VPS26A: variants seen among roughly 807,000 people sequenced by gnomAD.
VPS26A encodes the protein VPS26 retromer complex component A.
VPS26A carries 22 observed loss-of-function variants against 42.4 expected under a neutral mutation model. The ratio of observed to expected loss-of-function variants is 0.52; its 90% CI spans 0.37 to 0.74. The LOEUF (loss-of-function observed/expected upper bound fraction) is 0.74, where lower values mean the gene tolerates loss of function less well. Ranked by LOEUF, VPS26A falls within the 30% of genes least tolerant of loss-of-function variation. The pLI is 0.00. For synonymous variants in VPS26A, 110 were observed against 123.5 expected (o/e 0.89, Z 0.73); for missense variants, 276 against 379.2 (o/e 0.73, Z 2.26).
intron 7 of VPS26A, among the ~76,000 whole-genome samples, chr10:69,168,139 T>C (rs998685083): frequency 6.6e-6 from 1 of 152,232 alleles, no homozygotes; most frequent in East Asian, 1.9e-4. Context: ...AAGCCAGGTA[T>C]TCTGACTCTA....
intron 1 of VPS26A, among the ~76,000 whole-genome samples, chr10:69,131,761 A>G (rs554150560): frequency 5.3e-5 from 8 of 152,308 alleles, no homozygotes; most frequent in African/African-American, 1.9e-4. Context: ...GTTGTTATGT[A>G]GGACAGAATA....
chr10:69,137,882 T>TATATATATATATATA (rs1564675546), intron 2 of VPS26A, among the ~76,000 whole-genome samples: 4 of 151,278 alleles, frequency 2.6e-5, no homozygotes, highest in African/African-American at 9.8e-5. Context: ...TATATATATA[T>TATATATATATATATA]TCGCCATAAA....
chr10:69,165,119 G>T (rs1018257182), intron 6 of VPS26A, among the ~76,000 whole-genome samples: 2 of 151,904 alleles, frequency 1.3e-5, no homozygotes, highest in African/African-American at 4.8e-5. Flanking sequence ...GTAGAGACGG[G>T]GTTTCACCGT....
In VPS26A at chr10:69,172,124, T is replaced by G. The variant is rs565615377; in HGVS notation, c.*855T>G. 2 of 152,354 alleles carry G rather than the reference T, an allele frequency of 1.3e-5. No homozygotes were observed. The highest frequency in any genetic ancestry group is 3.9e-4 in the East Asian group (2 of 5,192). 9.4% of individuals were successfully genotyped at this position (152,354 alleles called of 1,614,324 possible). ...CAATTTAAGGAATCTTTTTGCCATG[T>G]GTATGCAAATATTATTTTCTTCATA... On this transcript the variant is annotated 3_prime_UTR_variant, in exon 9 of 9. Coordinates refer to ENST00000263559, the MANE Select transcript of VPS26A (RefSeq NM_004896.5).
At chr10:69,128,553 T>C (rs1275351635) in intron 1 of VPS26A, among the ~76,000 whole-genome samples, 1 of 152,166 alleles carries the variant, frequency 6.6e-6, no homozygotes, top group Admixed American at 6.6e-5. Context: ...ATGTCAGCTT[T>C]CAAATCCCAA....
At chr10:69,146,860 G>T (rs1841171001) in intron 2 of VPS26A, among the ~76,000 whole-genome samples, 1 of 152,120 alleles carries the variant, frequency 6.6e-6, no homozygotes, top group Admixed American at 6.5e-5. Context: ...GGTACTATTT[G>T]ACCATTATGA....
At position 69,138,989 on chromosome 10, in the gene VPS26A, T is replaced by C. The variant is rs183754256; in HGVS notation, c.153+5942T>C. 2.0e-3 allele frequency among the ~76,000 whole-genome samples: 300 copies of C among 152,346 alleles called. 2 individuals are homozygous for C. Among genetic ancestry groups the C allele is most frequent in the African/African-American group, 6.9e-3 (286 of 41,590 alleles). On this transcript the variant is annotated intron_variant, in intron 2 of 8. Transcript: ENST00000263559. ...CATTTCTTAAATGTACCATAGTAAG[T>C]ACATTGTCAGAGTGTATAGTAATTA...
chr10:69,141,243 A>T (rs1003433466), intron 2 of VPS26A, among the ~76,000 whole-genome samples: 2 of 152,256 alleles, frequency 1.3e-5, no homozygotes, highest in Non-Finnish European at 2.9e-5. Context: ...ACTATGTAAG[A>T]GACAACCCCA....
intron 2 of VPS26A, among the ~76,000 whole-genome samples, chr10:69,150,701 ATGTC>A (rs1291441803): frequency 6.6e-6 from 1 of 152,058 alleles, no homozygotes; most frequent in African/African-American, 2.4e-5. Context: ...CCGGCAGAGA[ATGTC>A]TGTTTTCTTA....
intron 2 of VPS26A, among the ~76,000 whole-genome samples, chr10:69,142,504 T>G (rs932674281): frequency 3.3e-5 from 5 of 152,044 alleles, no homozygotes; most frequent in Admixed American, 1.3e-4. Flanking sequence ...AAGGATTATT[T>G]GAAAGATTAT....
At chr10:69,137,279 A>T (rs1840934977) in intron 2 of VPS26A, among the ~76,000 whole-genome samples, 1 of 152,198 alleles carries the variant, frequency 6.6e-6, no homozygotes, top group African/African-American at 2.4e-5. Flanking sequence ...AACCTAAAAT[A>T]ACAAATTTAT....
Position 69,124,216 on chromosome 10 carries a change from G to T in VPS26A, c.-62G>T, listed in dbSNP as rs958884603. 2 of 1,274,026 alleles carry T rather than the reference G, an allele frequency of 1.6e-6. No homozygotes were observed. Among genetic ancestry groups the T allele is most frequent in the Non-Finnish European group, 2.0e-6 (2 of 1,004,672 alleles). 78.9% of individuals were successfully genotyped at this position (1,274,026 alleles called of 1,614,324 possible). A position where few individuals can be genotyped will look rare whatever the true frequency, so the allele number is the denominator to read the frequency against. On this transcript the variant is annotated 5_prime_UTR_variant, in exon 1 of 9. Coordinates refer to ENST00000263559, the MANE Select transcript of VPS26A (RefSeq NM_004896.5). ...GGAGCGCCGGAGCGGAGGGAGCCGG[G>T]GCTGGGAGTTCTCCTGAGGGAAGAG...
At position 69,153,046 on chromosome 10, in the gene VPS26A, G is replaced by GT. The variant is rs1225536571; in HGVS notation, c.154-2753dup. Among the ~76,000 whole-genome samples the GT allele has an allele frequency of 4.9e-3, 670 of 136,996 alleles. 7 individuals are homozygous for GT. Among genetic ancestry groups the GT allele is most frequent in the South Asian group, 0.017 (71 of 4,150 alleles). The allele number at this position is 136,996 out of a possible 152,430, so 89.9% of individuals were successfully genotyped here. A position where few individuals can be genotyped will look rare whatever the true frequency, so the allele number is the denominator to read the frequency against. ...CTACCTAATTCTTAAATGTTAAGTT[G>GT]TTTTTTTTTTTTTCGGTTGGCGGGT... On this transcript the variant is annotated intron_variant, in intron 2 of 8. Coordinates refer to ENST00000263559, the MANE Select transcript of VPS26A (RefSeq NM_004896.5).
chr10:69,131,659 G>C (rs1840781581), intron 1 of VPS26A, among the ~76,000 whole-genome samples: 1 of 152,104 alleles, frequency 6.6e-6, no homozygotes, highest in East Asian at 1.9e-4. Context: ...TGTGAACCCG[G>C]GAGGCGGAGC....
At chr10:69,137,560 G>A (rs1012875539) in intron 2 of VPS26A, among the ~76,000 whole-genome samples, 8 of 152,150 alleles carry the variant, frequency 5.3e-5, no homozygotes, top group Non-Finnish European at 1.2e-4. Context: ...TTCAAGGCCA[G>A]GAGGAGACCA....
intron 2 of VPS26A, among the ~76,000 whole-genome samples, chr10:69,135,635 G>A: frequency 6.6e-6 from 1 of 152,174 alleles, no homozygotes; most frequent in South Asian, 2.1e-4. Flanking sequence ...GAAACCATAC[G>A]TAGACCTGAT....
intron 8 of VPS26A, among the ~76,000 whole-genome samples, chr10:69,169,546 C>G (rs1841768972): frequency 6.6e-6 from 1 of 152,010 alleles, no homozygotes; most frequent in Non-Finnish European, 1.5e-5. Context: ...ATCTGCCTGC[C>G]TTGGCCTCCC....
In VPS26A at chr10:69,171,153, T is replaced by G. The variant is rs1841805151; in HGVS notation, c.871-3T>G. On this transcript the variant is annotated splice_region_variant and splice_polypyrimidine_tract_variant and intron_variant, in intron 8 of 8. Coordinates refer to ENST00000263559, the MANE Select transcript of VPS26A (RefSeq NM_004896.5). ...TTGTTAATATCTTGCATTTGTTTACTAGGAGATAATTTTATGGAGAAAAGC... is the reference window on the plus strand; with the variant it reads ...TTGTTAATATCTTGCATTTGTTTACGAGGAGATAATTTTATGGAGAAAAGC... 2 of 1,606,322 alleles carry G rather than the reference T, an allele frequency of 1.2e-6. No homozygotes were observed. The highest frequency in any genetic ancestry group is 2.2e-5 in the South Asian group (2 of 89,772).
At chr10:69,126,218 TG>T (rs1203891770) in intron 1 of VPS26A, among the ~76,000 whole-genome samples, 1 of 125,832 alleles carries the variant, frequency 7.9e-6, no homozygotes, top group African/African-American at 2.7e-5. Context: ...CCCAACAATT[TG>T]GGAGGCCGAG....
Sources: gnomAD v4.1 joint callset for allele counts (sites outside exome capture counted in the v4.1 genomes callset) on GRCh38, gnomAD v4.1.1 for gene constraint, MANE v1.5 for transcripts, NCBI Gene and HGNC (gene_info 2026-07-23, HGNC 2026-07-21) for gene names.